SUMF1: variants seen among roughly 807,000 people sequenced by gnomAD.
SUMF1 encodes sulfatase modifying factor 1, also known as formylglycine-generating enzyme.
In SUMF1, 48 loss-of-function variants were observed where a neutral mutation model predicts 47.6. The observed-to-expected ratio is 1.01, with a 90% confidence interval of 0.80 to 1.28. The LOEUF (loss-of-function observed/expected upper bound fraction) is 1.28. Among genes scored for constraint, SUMF1 ranks in the 50% most tolerant of loss-of-function variants. The pLI is 0.00. For missense variants in SUMF1, 571 were observed against 485.4 expected (o/e 1.18, Z -1.66); for synonymous variants, 230 against 192.1 (o/e 1.20, Z -1.63).
chr3:4,358,106 T>C (rs1334060160), downstream of SUMF1, among the ~76,000 whole-genome samples: 1 of 152,134 alleles, frequency 6.6e-6, no homozygotes, highest in Admixed American at 6.5e-5. Context: ...CAGCCCATTT[T>C]CCATGAAGAA....
intron 8 of SUMF1, among the ~76,000 whole-genome samples, chr3:4,200,221 T>C (rs1315220455): frequency 1.3e-5 from 2 of 149,962 alleles, no homozygotes; most frequent in African/African-American, 2.5e-5. Flanking sequence ...TGGTTACTTG[T>C]AGGTGTCAAC....
At chr3:4,066,799 G>C (rs549703481) in intron 9 of SUMF1, among the ~76,000 whole-genome samples, 4 of 152,266 alleles carry the variant, frequency 2.6e-5, no homozygotes, top group East Asian at 3.9e-4. Context: ...AGCAGTCAAT[G>C]ACAGGACCTA....
intron 8 of SUMF1, among the ~76,000 whole-genome samples, chr3:4,102,059 G>A (rs1693046099): frequency 6.6e-6 from 1 of 152,118 alleles, no homozygotes; most frequent in Non-Finnish European, 1.5e-5. Context: ...ACAGCACCAT[G>A]GGGGTAACTG....
intron 8 of SUMF1, among the ~76,000 whole-genome samples, chr3:4,193,165 T>G (rs766606807): frequency 4.6e-5 from 7 of 152,164 alleles, no homozygotes; most frequent in Non-Finnish European, 8.8e-5. Flanking sequence ...TAGGCATATG[T>G]AGATAGTGAG....
At chr3:4,111,733 G>A (rs922276254) in intron 8 of SUMF1, among the ~76,000 whole-genome samples, 3 of 151,786 alleles carry the variant, frequency 2.0e-5, no homozygotes, top group African/African-American at 4.8e-5. Context: ...GCTAGACACC[G>A]TCTAAAAAAA....
intron 8 of SUMF1, among the ~76,000 whole-genome samples, chr3:4,144,089 C>G (rs576277306): frequency 1.3e-5 from 2 of 150,620 alleles, no homozygotes; most frequent in South Asian, 4.2e-4. Context: ...CTCCTGGGCT[C>G]AAGCAATCTA....
intron 7 of SUMF1, among the ~76,000 whole-genome samples, chr3:4,403,562 C>T (rs1261237105): frequency 2.6e-5 from 4 of 151,956 alleles, no homozygotes; most frequent in Non-Finnish European, 2.9e-5. Flanking sequence ...GCAGGGGAGA[C>T]GCGACAACTG....
At chr3:4,098,135 T>C (rs951383973) in intron 8 of SUMF1, among the ~76,000 whole-genome samples, 4 of 152,130 alleles carry the variant, frequency 2.6e-5, no homozygotes, top group Non-Finnish European at 5.9e-5. Context: ...TTATCTTTAA[T>C]GCTAAAGTTC....
intron 8 of SUMF1, among the ~76,000 whole-genome samples, chr3:4,160,045 T>C (rs773714275): frequency 1.3e-4 from 20 of 152,134 alleles, no homozygotes; most frequent in Non-Finnish European, 2.8e-4. Context: ...CCTTCTTTAG[T>C]TCAAATCTGT....
intron 8 of SUMF1, among the ~76,000 whole-genome samples, chr3:4,309,029 A>C (rs1033861112): frequency 3.3e-5 from 5 of 152,224 alleles, no homozygotes; most frequent in African/African-American, 1.2e-4. Flanking sequence ...GGTTCAGTCC[A>C]GAAAGACAGG....
chr3:4,388,736 G>C (rs1700753594), intron 7 of SUMF1, among the ~76,000 whole-genome samples: 2 of 151,800 alleles, frequency 1.3e-5, no homozygotes, highest in Non-Finnish European at 2.9e-5. Context: ...TCTTTGTGTA[G>C]CTTTTTTAGT....
At chr3:4,287,399 A>G (rs1416800361) in intron 8 of SUMF1, among the ~76,000 whole-genome samples, 2 of 116,780 alleles carry the variant, frequency 1.7e-5, no homozygotes, top group East Asian at 3.9e-4. Context: ...AATAATGAAC[A>G]TAAATTGTAA....
intron 8 of SUMF1, among the ~76,000 whole-genome samples, chr3:4,269,631 T>C (rs1419527156): frequency 2.6e-5 from 4 of 152,088 alleles, no homozygotes; most frequent in Admixed American, 6.6e-5. Context: ...AAAGAAAGAA[T>C]GAATGGGTGA....
intron 8 of SUMF1, among the ~76,000 whole-genome samples, chr3:4,363,137 T>G (rs912277747): frequency 1.3e-5 from 2 of 152,104 alleles, no homozygotes; most frequent in Non-Finnish European, 2.9e-5. Flanking sequence ...ATATTAATTT[T>G]TGAAATTAAA....
In SUMF1 at chr3:4,324,193, G is replaced by C. The variant is rs573071581; in HGVS notation, c.1014+52137C>G. Among the ~76,000 whole-genome samples, 123 of 152,152 alleles carry C rather than the reference G, an allele frequency of 8.1e-4. No individual in the cohort carries two copies. The Middle Eastern group carries it at 0.01, about 13-fold the overall frequency. ...TTGTTTTCAACTCTGTCTCAGCAGA[G>C]TGACGCTTTCTCAAATTGAAATTAA... On this transcript the variant is annotated intron_variant and NMD_transcript_variant, in intron 8 of 12. Transcript: ENST00000448413.
chr3:4,205,850 C>A (rs748289438), intron 8 of SUMF1, among the ~76,000 whole-genome samples: 2 of 152,122 alleles, frequency 1.3e-5, no homozygotes, highest in Admixed American at 6.5e-5. Context: ...TGGCCACTAC[C>A]ACTGGGGATG....
At chr3:4,444,455 C>T (rs1702711872) in intron 3 of SUMF1, among the ~76,000 whole-genome samples, 1 of 151,894 alleles carries the variant, frequency 6.6e-6, no homozygotes, top group African/African-American at 2.4e-5. Context: ...ACATATGTTT[C>T]AATAATACAG....
intron 8 of SUMF1, among the ~76,000 whole-genome samples, chr3:4,075,375 A>G (rs1044951841): frequency 6.6e-6 from 1 of 152,114 alleles, no homozygotes; most frequent in Admixed American, 6.5e-5. Context: ...AAACCCACAG[A>G]CAATATCACA....
chr3:4,151,379 GTA>G (rs1451259409), intron 8 of SUMF1, among the ~76,000 whole-genome samples: 2 of 138,914 alleles, frequency 1.4e-5, no homozygotes, highest in Non-Finnish European at 3.0e-5. Flanking sequence ...ATACATGTGT[GTA>G]TATATATGTA....
Sources: allele counts gnomAD v4.1 joint callset (sites outside exome capture counted in the v4.1 genomes callset), GRCh38; gene constraint gnomAD v4.1.1; transcripts MANE v1.5; gene names NCBI Gene and HGNC (gene_info 2026-07-23, HGNC 2026-07-21).